The following ANKRD30A variants were observed in gnomAD, a reference collection of about 807,000 sequenced individuals.
The protein encoded by ANKRD30A is ankyrin repeat domain 30A.
Under a neutral mutation model 166.3 loss-of-function variants are expected in ANKRD30A, and 170 were observed. The ratio of observed to expected loss-of-function variants is 1.02; its 90% CI spans 0.90 to 1.16. The LOEUF is 1.16. ANKRD30A is among the 50% of genes most tolerant of loss of function. The pLI is 0.00. For missense variants in ANKRD30A, 1,630 were observed against 1,518.0 expected (o/e 1.07, Z -1.23); for synonymous variants, 564 against 508.9 (o/e 1.11, Z -1.46).
the ANKRD30A span, among the ~76,000 whole-genome samples, chr10:37,237,608 GA>G: frequency 6.7e-5 from 10 of 150,010 alleles, no homozygotes; most frequent in African/African-American, 2.0e-4. Flanking sequence ...TATTTAAAAA[GA>G]AAAAAAAAGT....
chr10:37,193,406 T>C, intron 27 of ANKRD30A, 148 bp downstream of exon 27: 1 of 1,238,656 alleles, frequency 8.1e-7, no homozygotes. Context: ...GTATTTCTGT[T>C]TGAGAAAATG....
intron 5 of ANKRD30A, among the ~76,000 whole-genome samples, 182 bp from the exon 6 acceptor site, chr10:37,136,425 C>A (rs932604385): frequency 1.3e-5 from 2 of 152,066 alleles, no homozygotes; most frequent in African/African-American, 4.8e-5. Context: ...TTTATTTCTT[C>A]TTTAATTAGA....
the ANKRD30A span, among the ~76,000 whole-genome samples, chr10:37,253,680 A>T: frequency 3.0e-5 from 4 of 135,374 alleles, no homozygotes; most frequent in East Asian, 2.1e-4. Flanking sequence ...ATGGAGTCTC[A>T]CTTTGTCCCC....
chr10:37,135,640 G>A (rs1326738871), intron 5 of ANKRD30A, among the ~76,000 whole-genome samples: 2 of 152,106 alleles, frequency 1.3e-5, no homozygotes, highest in Non-Finnish European at 2.9e-5. Flanking sequence ...TAGTTACTAA[G>A]CATCATTCTA....
At chr10:37,220,290 C>T (rs1158001556) in intron 34 of ANKRD30A, among the ~76,000 whole-genome samples, 2 of 150,538 alleles carry the variant, frequency 1.3e-5, no homozygotes, top group African/African-American at 2.4e-5. Context: ...TGGGAATGCC[C>T]GTATCAGCAA....
intron 27 of ANKRD30A, among the ~76,000 whole-genome samples, chr10:37,196,438 T>C (rs1841119088): frequency 6.6e-6 from 1 of 152,188 alleles, no homozygotes; most frequent in Admixed American, 6.5e-5. Flanking sequence ...TGTGTTGTTT[T>C]GGTAAAATTG....
the ANKRD30A span, among the ~76,000 whole-genome samples, chr10:37,262,925 T>G: frequency 6.6e-6 from 1 of 151,784 alleles, no homozygotes; most frequent in Non-Finnish European, 1.5e-5. Flanking sequence ...GTTCTATGTC[T>G]GTGTGTGTGT....
intron 31 of ANKRD30A, among the ~76,000 whole-genome samples, chr10:37,202,193 C>T (rs920993267): frequency 2.6e-4 from 40 of 151,760 alleles, no homozygotes; most frequent in Admixed American, 8.5e-4. Flanking sequence ...TTTTAGCCAG[C>T]GGAGAAGAAG....
chr10:37,164,889 A>C (rs891051837), intron 17 of ANKRD30A, among the ~76,000 whole-genome samples: 1 of 152,216 alleles, frequency 6.6e-6, no homozygotes, highest in African/African-American at 2.4e-5. Context: ...TCTGCATTCT[A>C]ATGACATAAT....
At chr10:37,203,418 T>A (rs1841783037) in intron 31 of ANKRD30A, among the ~76,000 whole-genome samples, 1 of 152,168 alleles carries the variant, frequency 6.6e-6, no homozygotes, top group Admixed American at 6.5e-5. Flanking sequence ...AGAAAAGGCC[T>A]TTGACAAAAT....
chr10:37,135,163 G>C (rs1442572994), intron 5 of ANKRD30A: 1 of 152,182 alleles, frequency 6.6e-6, no homozygotes, highest in African/African-American at 2.4e-5. Context: ...TCTATCTCAA[G>C]TAAGTTGGTT....
intron 15 of ANKRD30A, among the ~76,000 whole-genome samples, chr10:37,159,952 G>T (rs1256985401): frequency 6.6e-6 from 1 of 152,088 alleles, no homozygotes. Context: ...GCCCACCTCG[G>T]CCTCCCAAAG....
At chr10:37,247,346 A>G in the ANKRD30A span, among the ~76,000 whole-genome samples, 3 of 152,234 alleles carry the variant, frequency 2.0e-5, no homozygotes, top group South Asian at 6.2e-4. Flanking sequence ...ATTTAACAAG[A>G]TTTCATGGCC....
chr10:37,264,079 T>A, the ANKRD30A span, among the ~76,000 whole-genome samples: 3 of 152,174 alleles, frequency 2.0e-5, no homozygotes, highest in Non-Finnish European at 4.4e-5. Context: ...ATTTCAGATT[T>A]TTTTTAAAAA....
In ANKRD30A at chr10:37,198,662, G is replaced by T. The variant is rs563465215; in HGVS notation, c.2717-1065G>T. Among the ~76,000 whole-genome samples the T allele has an allele frequency of 5.3e-5, 8 of 152,048 alleles. No individual in the cohort carries two copies. In the East Asian group the frequency reaches 1.2e-3, roughly 22 times the overall value. ...TTCACTTCCAAAAATGAGTGAAAAC[G>T]GTGGCTTACCAAAGTATGATTTAAG... On this transcript the variant is annotated intron_variant, in intron 29 of 35. Transcript: ENST00000361713.
At chr10:37,202,654 A>G (rs561060019) in intron 31 of ANKRD30A, among the ~76,000 whole-genome samples, 3 of 152,350 alleles carry the variant, frequency 2.0e-5, no homozygotes, top group Admixed American at 2.0e-4. Context: ...GAATTGAAGG[A>G]GATAGAGACA....
At chr10:37,236,305 A>T (rs1315570976), downstream of ANKRD30A, among the ~76,000 whole-genome samples, 1 of 152,154 alleles carries the variant, frequency 6.6e-6, no homozygotes, top group Non-Finnish European at 1.5e-5. Flanking sequence ...ATGACAACTA[A>T]TGGGAAGACA....
chr10:37,230,578 A>G (rs1843373368), intron 34 of ANKRD30A, among the ~76,000 whole-genome samples: 2 of 152,092 alleles, frequency 1.3e-5, no homozygotes, highest in African/African-American at 4.8e-5. Context: ...TAGAAATACT[A>G]ATAAGTTTAA....
At chr10:37,237,968 C>T in the ANKRD30A span, among the ~76,000 whole-genome samples, 1 of 152,070 alleles carries the variant, frequency 6.6e-6, no homozygotes, top group Non-Finnish European at 1.5e-5. Context: ...TTGAAAGGGA[C>T]TTATAAAAAG....
Sources: allele counts gnomAD v4.1 joint callset (sites outside exome capture counted in the v4.1 genomes callset), GRCh38; gene constraint gnomAD v4.1.1; transcripts MANE v1.5; gene names NCBI Gene and HGNC (gene_info 2026-07-23, HGNC 2026-07-21).